The following SEL1L3 variants were observed in gnomAD, a reference collection of about 807,000 sequenced individuals.
SEL1L3 encodes protein sel-1 homolog 3.
SEL1L3 carries 76 observed loss-of-function variants against 142.8 expected under a neutral mutation model. That is an observed-to-expected ratio of 0.53 (90% confidence interval 0.44 to 0.64). SEL1L3 has a LOEUF of 0.64. SEL1L3 is among the 30% of genes least tolerant of loss of function. The pLI, the probability that SEL1L3 is intolerant of heterozygous loss-of-function variation, is 0.00. For missense variants in SEL1L3, 1,262 were observed against 1,381.7 expected, an observed-to-expected ratio of 0.91 and a Z score of 1.37; for synonymous variants, 504 against 519.6, an observed-to-expected ratio of 0.97 and a Z score of 0.41.
intron 9 of SEL1L3, among the ~76,000 whole-genome samples, chr4:25,816,851 T>A (rs1378952): frequency 6.6e-6 from 1 of 151,902 alleles, no homozygotes; most frequent in East Asian, 2.0e-4. Flanking sequence ...AATTCCCACC[T>A]CCAACTCTCT....
intron 23 of SEL1L3, among the ~76,000 whole-genome samples, chr4:25,750,165 C>T (rs1053794379): frequency 6.8e-6 from 1 of 147,976 alleles, no homozygotes; most frequent in African/African-American, 2.5e-5. Flanking sequence ...ACCTGGGAGG[C>T]CGGAGGTTGT....
At chr4:25,728,221 T>C in the SEL1L3 span, among the ~76,000 whole-genome samples, 6 of 152,328 alleles carry the variant, frequency 3.9e-5, no homozygotes, top group East Asian at 1.2e-3. Context: ...CTCTGCAAGC[T>C]ATCAGATGGC....
intron 6 of SEL1L3, among the ~76,000 whole-genome samples, chr4:25,822,971 A>G (rs1714863893): frequency 6.6e-6 from 1 of 152,222 alleles, no homozygotes; most frequent in Non-Finnish European, 1.5e-5. Flanking sequence ...TATAGTGTTA[A>G]GTAAAAAAAA....
chr4:25,771,320 A>C (rs753214295), intron 17 of SEL1L3, among the ~76,000 whole-genome samples: 20 of 152,182 alleles, frequency 1.3e-4, no homozygotes, highest in Non-Finnish European at 2.9e-4. Context: ...TGACAGGGAG[A>C]GGGGAATGGG....
chr4:25,724,222 T>C, the SEL1L3 span, among the ~76,000 whole-genome samples: 38,112 of 151,816 alleles, frequency 0.25, 6,912 homozygotes, highest in African/African-American at 0.52. Flanking sequence ...AGTTCGAGAC[T>C]AGCCTGGGCA....
chr4:25,794,271 C>A lies in SEL1L3; in HGVS notation c.1957-3697G>T, dbSNP rs549366909. The stretch of plus-strand genomic sequence containing the variant: ...ATGGGAAAACATTTTTGCAACTTAC[C>A]CATCTGACAAAAGTCTAATATCCAG... On this transcript the variant is annotated intron_variant, in intron 11 of 23. Coordinates refer to ENST00000399878, the MANE Select transcript of SEL1L3 (RefSeq NM_015187.5). Among the ~76,000 whole-genome samples the A allele has an allele frequency of 1.3e-3, 198 of 152,194 alleles. 2 individuals are homozygous for A. Among genetic ancestry groups the A allele is most frequent in the African/African-American group, 4.0e-3 (168 of 41,544 alleles).
intron 11 of SEL1L3, among the ~76,000 whole-genome samples, chr4:25,791,776 G>T (rs1449428975): frequency 6.6e-6 from 1 of 152,156 alleles, no homozygotes; most frequent in Non-Finnish European, 1.5e-5. Context: ...TAATGGGTGT[G>T]GTGGTACACA....
At chr4:25,730,194 A>G in the SEL1L3 span, among the ~76,000 whole-genome samples, 1 of 152,098 alleles carries the variant, frequency 6.6e-6, no homozygotes, top group African/African-American at 2.4e-5. Context: ...TCGGCCTCCC[A>G]AAGTGCTGGG....
intron 23 of SEL1L3, chr4:25,755,957 T>G (rs1717927684): frequency 2.0e-6 from 2 of 985,330 alleles, no homozygotes; most frequent in Non-Finnish European, 2.4e-6. Context: ...GAGTGAAGTT[T>G]ATTAACCAGC....
intron 1 of SEL1L3, 86 bp from the exon 2 acceptor site, chr4:25,847,950 A>G (rs1716646964): frequency 1.2e-6 from 1 of 821,740 alleles, no homozygotes; most frequent in Non-Finnish European, 1.9e-6. Flanking sequence ...TTTTCCTGGG[A>G]TAAAAAAATA....
chr4:25,738,173 GC>G, the SEL1L3 span, among the ~76,000 whole-genome samples: 2 of 152,202 alleles, frequency 1.3e-5, no homozygotes, highest in African/African-American at 4.8e-5. Context: ...ACAGGCATGA[GC>G]CACCACACCC....
At chr4:25,726,003 C>T in the SEL1L3 span, among the ~76,000 whole-genome samples, 8,439 of 152,118 alleles carry the variant, frequency 0.055, 417 homozygotes, top group African/African-American at 0.13. Flanking sequence ...CATCCTGTGA[C>T]TAAGAATGCC....
the SEL1L3 span, among the ~76,000 whole-genome samples, chr4:25,729,015 T>C: frequency 1.3e-5 from 2 of 151,724 alleles, no homozygotes. Context: ...GTGAGTCCCC[T>C]TCCTCACTGT....
downstream of SEL1L3, among the ~76,000 whole-genome samples, chr4:25,743,215 T>A (rs988068229): frequency 1.3e-5 from 2 of 152,218 alleles, no homozygotes; most frequent in Non-Finnish European, 2.9e-5. Flanking sequence ...TTTTACAATG[T>A]TAGCAATTAA....
intron 17 of SEL1L3, among the ~76,000 whole-genome samples, chr4:25,772,586 A>G (rs773175715): frequency 1.7e-4 from 26 of 152,104 alleles, no homozygotes; most frequent in Admixed American, 3.9e-4. Context: ...AAGGCAAGGC[A>G]AGGCAGAAGG....
intron 17 of SEL1L3, 31 bp downstream of exon 17, chr4:25,776,246 A>C: frequency 6.8e-7 from 1 of 1,477,820 alleles, no homozygotes; most frequent in Non-Finnish European, 9.4e-7. Context: ...ACAGGGAAAA[A>C]AGTTTGCTCT....
chr4:25,736,367 C>T, the SEL1L3 span, among the ~76,000 whole-genome samples: 38 of 151,514 alleles, frequency 2.5e-4, no homozygotes, highest in South Asian at 8.4e-4. Context: ...GGGATTACAG[C>T]GGCTCACCAC....
intron 6 of SEL1L3, among the ~76,000 whole-genome samples, chr4:25,826,229 G>A (rs59425476): frequency 0.022 from 3,387 of 152,224 alleles, 122 homozygotes; most frequent in African/African-American, 0.076. Flanking sequence ...TGAATTTAAC[G>A]CTATAGAGGC....
At chr4:25,781,447 G>A (rs1302772194) in intron 15 of SEL1L3, among the ~76,000 whole-genome samples, 1 of 152,110 alleles carries the variant, frequency 6.6e-6, no homozygotes, top group East Asian at 1.9e-4. Context: ...AGACCAGCCT[G>A]GACAACATGG....
Sources: allele counts gnomAD v4.1 joint callset (sites outside exome capture counted in the v4.1 genomes callset), GRCh38; gene constraint gnomAD v4.1.1; transcripts MANE v1.5; gene names NCBI Gene and HGNC (gene_info 2026-07-23, HGNC 2026-07-21).